CLGN: variants seen among roughly 807,000 people sequenced by gnomAD.
CLGN encodes testis tissue sperm-binding protein Li 79P.
In CLGN, 62 loss-of-function variants were observed where a neutral mutation model predicts 79.1. The observed-to-expected ratio is 0.78, with a 90% confidence interval of 0.64 to 0.97. CLGN has a LOEUF of 0.97. Ranked by LOEUF, CLGN falls within the 50% of genes least tolerant of loss-of-function variation. CLGN has a pLI of 0.00. For missense variants in CLGN, 647 were observed against 715.5 expected, an observed-to-expected ratio of 0.90 and a Z score of 1.09; for synonymous variants, 225 against 224.7, an observed-to-expected ratio of 1.00 and a Z score of -0.01.
intron 1 of CLGN, among the ~76,000 whole-genome samples, chr4:140,420,333 G>C (rs1465035400): frequency 6.6e-6 from 1 of 152,042 alleles, no homozygotes; most frequent in Non-Finnish European, 1.5e-5. Context: ...AAACAGTTCA[G>C]AAAACACTTT....
At chr4:140,404,070 T>G (rs1021401423) in intron 5 of CLGN, among the ~76,000 whole-genome samples, 1 of 151,948 alleles carries the variant, frequency 6.6e-6, no homozygotes, top group Non-Finnish European at 1.5e-5. Context: ...CTTCCTTTTT[T>G]AATTTTATTT....
At chr4:140,426,004 T>C (rs1729561326) in intron 1 of CLGN, among the ~76,000 whole-genome samples, 1 of 152,214 alleles carries the variant, frequency 6.6e-6, no homozygotes, top group Non-Finnish European at 1.5e-5. Flanking sequence ...GCCTTTCTGC[T>C]GTTATTCAGT....
rs903694939 is a variant in CLGN at position 140,405,992 on chromosome 4, A to G, written c.369T>C (p.Ser123=). 9.9e-6 allele frequency: 16 copies of G among 1,613,520 alleles called. No homozygotes were observed. The highest frequency in any genetic ancestry group is 1.3e-5 in the Non-Finnish European group (15 of 1,179,704). The change falls in exon 5 of 15, where the codon TCT becomes TCC. Residue 123 remains serine, a synonymous_variant. Coordinates refer to ENST00000325617, the MANE Select transcript of CLGN (RefSeq NM_004362.3). ...LKSRAKHHAI[S]AVLAKPFIFA... The stretch of plus-strand genomic sequence containing the variant: ...AAATGAATGGTTTTGCTAATACAGC[A>G]GATATTGCATGATGCTTTGCTCTAG...
chr4:140,402,166 T>G, intron 5 of CLGN, 100 bp from the exon 6 acceptor site: 1 of 595,338 alleles, frequency 1.7e-6, no homozygotes, highest in Non-Finnish European at 2.8e-6. Context: ...AAGTATAAAT[T>G]TTTTTACATT....
At chr4:140,410,948 A>T (rs1729199248) in intron 2 of CLGN, among the ~76,000 whole-genome samples, 1 of 152,098 alleles carries the variant, frequency 6.6e-6, no homozygotes, top group African/African-American at 2.4e-5. Context: ...CAGCATAATG[A>T]AAAGCATGTA....
rs1248712505 is a variant in CLGN at position 140,400,422 on chromosome 4, G to A, written c.629C>T (p.Ala210Val). ...PKTGVFEEKH[A>V]KPPDVDLKKF... Reference sequence around the variant, plus strand: ...TTTAAGGTCTACATCTGGAGGTTTGGCATGTTTCTCTTCGAAAACTCCAGT... The same window carrying A: ...TTTAAGGTCTACATCTGGAGGTTTGACATGTTTCTCTTCGAAAACTCCAGT... The change falls in exon 7 of 15, where the codon GCC becomes GTC. Residue 210 changes from alanine (A) to valine (V), a missense_variant. Physicochemically the swap from Ala to Val is moderately conservative, Grantham distance 64. Transcript: ENST00000325617. 1 of 1,613,034 alleles carries A rather than the reference G, an allele frequency of 6.2e-7. No homozygotes were observed. The highest frequency in any genetic ancestry group is 8.5e-7 in the Non-Finnish European group (1 of 1,179,366).
Position 140,389,198 on chromosome 4 carries a change from G to T in CLGN, c.*26C>A. ...TTTTACAATGCCAAACATCCCTCTC[G>T]GGAATTAAAAATATTTCAATCTAGT... On this transcript the variant is annotated 3_prime_UTR_variant, in exon 15 of 15. Coordinates refer to ENST00000325617, the MANE Select transcript of CLGN (RefSeq NM_004362.3). 3.8e-6 allele frequency: 6 copies of T among 1,587,760 alleles called. No homozygotes were observed. Among genetic ancestry groups the T allele is most frequent in the Non-Finnish European group, 5.2e-6 (6 of 1,157,502 alleles).
chr4:140,402,099 T>A (rs760121978), intron 5 of CLGN, 33 bp from the exon 6 acceptor site: 28 of 1,120,304 alleles, frequency 2.5e-5, no homozygotes, highest in Non-Finnish European at 3.2e-5. Context: ...GTACTACTGA[T>A]AAATAAAATT....
intron 1 of CLGN, among the ~76,000 whole-genome samples, chr4:140,425,790 G>A (rs1211896049): frequency 1.3e-5 from 2 of 151,464 alleles, no homozygotes; most frequent in African/African-American, 4.9e-5. Flanking sequence ...CACTATGCCC[G>A]GCTAATTTTT....
chr4:140,418,533 G>C (rs1221428433), intron 1 of CLGN, among the ~76,000 whole-genome samples: 1 of 147,194 alleles, frequency 6.8e-6, no homozygotes, highest in Non-Finnish European at 1.5e-5. Context: ...CCATCAAAAA[G>C]TGGGCGAAGG....
intron 1 of CLGN, among the ~76,000 whole-genome samples, chr4:140,420,745 T>A (rs1273223802): frequency 6.6e-6 from 1 of 152,138 alleles, no homozygotes; most frequent in Admixed American, 6.5e-5. Context: ...GACATCTCAT[T>A]TCTTAGAGAG....
chr4:140,407,066 A>G (rs925124077), intron 4 of CLGN, among the ~76,000 whole-genome samples: 1 of 152,140 alleles, frequency 6.6e-6, no homozygotes, highest in Non-Finnish European at 1.5e-5. Flanking sequence ...TATAAATCAA[A>G]GAGGGGTAAT....
intron 1 of CLGN, among the ~76,000 whole-genome samples, chr4:140,418,767 A>T (rs13110668): frequency 6.7e-6 from 1 of 148,166 alleles, no homozygotes; most frequent in South Asian, 2.1e-4. Context: ...ACTGTAAACT[A>T]GTTCAACCAT....
Position 140,396,176 on chromosome 4 carries a change from T to G in CLGN, c.914A>C (p.Asp305Ala). The change falls in exon 9 of 15, where the codon GAT becomes GCT. Residue 305 changes from aspartate to alanine, a missense_variant. Transcript: ENST00000325617. ...WDESEPAQIEDSSVVKPAGWL... is the reference protein window; with the variant it reads ...WDESEPAQIEASSVVKPAGWL... ...GCCAGCAGGTTTAACAACACTTGAA[T>G]CTTCTATTTGGGCAGGTTCACTTTC... The G allele has an allele frequency of 6.2e-7, 1 of 1,614,118 alleles. No individual in the cohort carries two copies. Among genetic ancestry groups the G allele is most frequent in the East Asian group, 2.2e-5 (1 of 44,870 alleles).
chr4:140,408,611 A>G (rs1729151224), intron 4 of CLGN, among the ~76,000 whole-genome samples: 1 of 152,114 alleles, frequency 6.6e-6, no homozygotes, highest in Non-Finnish European at 1.5e-5. Context: ...AATGCAAATT[A>G]AAACCACAAT....
chr4:140,405,853 C>A, intron 5 of CLGN, 89 bp downstream of exon 5: 1 of 1,313,778 alleles, frequency 7.6e-7, no homozygotes, highest in South Asian at 1.5e-5. Context: ...TCTAGATTTT[C>A]ACATCCATTT....
chr4:140,392,530 T>G, intron 12 of CLGN, 56 bp downstream of exon 12: 1 of 1,547,690 alleles, frequency 6.5e-7, no homozygotes, highest in South Asian at 1.3e-5. Flanking sequence ...TTTATAGAAC[T>G]CTTAAACAAC....
At chr4:140,390,551 A>G in intron 14 of CLGN, 77 bp downstream of exon 14, 1 of 929,914 alleles carries the variant, frequency 1.1e-6, no homozygotes, top group Non-Finnish European at 1.6e-6. Context: ...TTCTTTCATA[A>G]ATCATATTGG....
intron 1 of CLGN, among the ~76,000 whole-genome samples, chr4:140,419,887 T>C (rs971963175): frequency 6.6e-6 from 1 of 152,104 alleles, no homozygotes; most frequent in Non-Finnish European, 1.5e-5. Flanking sequence ...GGCACAGAAA[T>C]TTGTATATCT....
Sources: allele counts gnomAD v4.1 joint callset (sites outside exome capture counted in the v4.1 genomes callset), GRCh38; gene constraint gnomAD v4.1.1; transcripts MANE v1.5; gene names NCBI Gene and HGNC (gene_info 2026-07-23, HGNC 2026-07-21).